The following COL25A1 variants were observed in gnomAD, a reference collection of about 807,000 sequenced individuals.
COL25A1 encodes collagen alpha-1(XXV) chain.
In COL25A1, 103 loss-of-function variants were observed where a neutral mutation model predicts 128.4. The observed-to-expected ratio is 0.80, with a 90% CI of 0.68 to 0.94. The LOEUF is 0.94. Among genes scored for constraint, COL25A1 ranks in the 40% least tolerant of loss-of-function variants. The pLI is 0.00. For missense variants in COL25A1, 745 were observed against 840.0 expected, an observed-to-expected ratio of 0.89 and a Z score of 1.40; for synonymous variants, 279 against 277.2, an observed-to-expected ratio of 1.01 and a Z score of -0.06.
At chr4:108,915,070 T>C (rs549965761) in intron 13 of COL25A1, among the ~76,000 whole-genome samples, 1 of 152,318 alleles carries the variant, frequency 6.6e-6, no homozygotes, top group South Asian at 2.1e-4. Flanking sequence ...AAAGGGATGT[T>C]CTGTAGCCCT....
chr4:109,100,143 C>T (rs1765759565), intron 3 of COL25A1, among the ~76,000 whole-genome samples: 1 of 152,094 alleles, frequency 6.6e-6, no homozygotes, highest in Non-Finnish European at 1.5e-5. Context: ...AGTTTAGTAA[C>T]TTAAGCTTAT....
In COL25A1 at chr4:108,992,502, A is replaced by C. The variant is rs181962786; in HGVS notation, c.438+17856T>G. 3.3e-3 allele frequency among the ~76,000 whole-genome samples: 498 copies of C among 152,326 alleles called. 1 individual carries two copies. Among genetic ancestry groups the C allele is most frequent in the African/African-American group, 0.011 (473 of 41,582 alleles). ...ATATCTAAGGAATGTGTGGTTATAC[A>C]CAACCACCATGAACTATTTTCTATG... On this transcript the variant is annotated intron_variant, in intron 6 of 37. Coordinates refer to ENST00000399132, the MANE Select transcript of COL25A1 (RefSeq NM_198721.4).
At chr4:109,231,052 T>A (rs1372083291) in intron 3 of COL25A1, among the ~76,000 whole-genome samples, 1 of 151,938 alleles carries the variant, frequency 6.6e-6, no homozygotes, top group Non-Finnish European at 1.5e-5. Flanking sequence ...GGCAGGAGAA[T>A]CGCTTGATCC....
intron 3 of COL25A1, among the ~76,000 whole-genome samples, chr4:109,178,835 C>CAAAAAAAAAAAAAAAAA (rs34132262): frequency 2.1e-5 from 1 of 47,544 alleles, no homozygotes; most frequent in Admixed American, 2.6e-4. Flanking sequence ...ACTCCATCTC[C>CAAAAAAAAAAAAAAAAA]AAAAAAAAAA....
intron 3 of COL25A1, among the ~76,000 whole-genome samples, chr4:109,148,781 C>T (rs1397136118): frequency 6.6e-6 from 1 of 152,196 alleles, no homozygotes; most frequent in East Asian, 1.9e-4. Flanking sequence ...CGGCCAGTTT[C>T]CCCTGCTGCC....
chr4:109,032,210 C>T (rs1348755903), intron 5 of COL25A1, among the ~76,000 whole-genome samples: 1 of 152,096 alleles, frequency 6.6e-6, no homozygotes, highest in Non-Finnish European at 1.5e-5. Context: ...CATACATTTG[C>T]GTCTGCCAGA....
intron 8 of COL25A1, among the ~76,000 whole-genome samples, chr4:108,957,226 G>A (rs780897808): frequency 2.0e-5 from 3 of 152,040 alleles, no homozygotes; most frequent in Non-Finnish European, 4.4e-5. Flanking sequence ...ACGGTAAGAG[G>A]GGAAAAACTG....
intron 3 of COL25A1, among the ~76,000 whole-genome samples, chr4:109,052,948 T>C (rs1761123670): frequency 6.6e-6 from 1 of 152,172 alleles, no homozygotes; most frequent in Non-Finnish European, 1.5e-5. Context: ...AACATGGCTC[T>C]CATTCACTAA....
rs1725586947 is a variant in COL25A1, at chr4:109,301,885, G to A, written c.135C>T (p.Ala45=). 1.2e-6 allele frequency: 2 copies of A among 1,614,174 alleles called. No individual in the cohort carries two copies. Among genetic ancestry groups the A allele is most frequent in the Non-Finnish European group, 1.7e-6 (2 of 1,180,046 alleles). The change falls in exon 2 of 38, where the codon GCC becomes GCT. Residue 45 remains alanine (A), a synonymous_variant. Coordinates refer to ENST00000399132, the MANE Select transcript of COL25A1 (RefSeq NM_198721.4). ...AVLAALLSVV[A]VVSCLYLGVK... ...CACCCAGGTACAGGCAAGACACCACGGCCACCACTGACAGGAGGGCCGCCA... is the reference window on the plus strand; with the variant it reads ...CACCCAGGTACAGGCAAGACACCACAGCCACCACTGACAGGAGGGCCGCCA...
intron 18 of COL25A1, among the ~76,000 whole-genome samples, chr4:108,886,476 G>GTTTTTTTTTT (rs1560806262): frequency 8.1e-6 from 1 of 123,318 alleles, no homozygotes; most frequent in African/African-American, 3.2e-5. Flanking sequence ...GTGTGTGTGT[G>GTTTTTTTTTT]TGTGTGTGTG....
At chr4:109,086,994 G>C (rs1764452937) in intron 3 of COL25A1, among the ~76,000 whole-genome samples, 1 of 152,166 alleles carries the variant, frequency 6.6e-6, no homozygotes, top group African/African-American at 2.4e-5. Flanking sequence ...AACAGACAGT[G>C]AACAATGGGA....
chr4:109,119,057 A>G (rs981914560), intron 3 of COL25A1, among the ~76,000 whole-genome samples: 5 of 142,612 alleles, frequency 3.5e-5, no homozygotes, highest in South Asian at 2.7e-4. Context: ...AATCAAAAAC[A>G]GCTAAAACAT....
chr4:108,834,471 C>A, intron 31 of COL25A1: 1 of 1,195,852 alleles, frequency 8.4e-7, no homozygotes, highest in Non-Finnish European at 1.2e-6. Context: ...TACCGATGAA[C>A]AAATGTAACA....
chr4:109,102,431 A>C (rs1042095016), intron 3 of COL25A1, among the ~76,000 whole-genome samples: 1 of 152,100 alleles, frequency 6.6e-6, no homozygotes, highest in Non-Finnish European at 1.5e-5. Flanking sequence ...AATATAGTCT[A>C]GCTGTTGAAT....
chr4:109,177,737 A>G (rs1011067553), intron 3 of COL25A1, among the ~76,000 whole-genome samples: 1 of 152,186 alleles, frequency 6.6e-6, no homozygotes, highest in African/African-American at 2.4e-5. Context: ...ACTCCCAACA[A>G]AAACATTTTT....
chr4:109,107,679 T>C (rs1181918785), intron 3 of COL25A1, among the ~76,000 whole-genome samples: 3 of 152,216 alleles, frequency 2.0e-5, no homozygotes, highest in Non-Finnish European at 4.4e-5. Context: ...AGATGCCAGC[T>C]CTTATTTAGG....
At position 109,133,655 on chromosome 4, in the gene COL25A1, C is replaced by T. The variant is rs531366165; in HGVS notation, c.368-83476G>A. 6.6e-4 allele frequency among the ~76,000 whole-genome samples: 101 copies of T among 152,244 alleles called. 1 individual carries two copies. The highest frequency in any genetic ancestry group is 1.4e-3 in the Non-Finnish European group (94 of 68,008). ...ATATATAGCAGCAGGAATTTAAGAA[C>T]TTAAATTATTACTGCAACACTCTGT... On this transcript the variant is annotated intron_variant, in intron 3 of 37. Coordinates refer to ENST00000399132, the MANE Select transcript of COL25A1 (RefSeq NM_198721.4).
At chr4:109,149,699 A>T (rs903287862) in intron 3 of COL25A1, among the ~76,000 whole-genome samples, 2 of 152,206 alleles carry the variant, frequency 1.3e-5, no homozygotes, top group African/African-American at 4.8e-5. Context: ...GCACAGTGCT[A>T]CTTGTATTTT....
intron 6 of COL25A1, among the ~76,000 whole-genome samples, chr4:108,993,077 C>T (rs966457676): frequency 1.3e-5 from 2 of 152,090 alleles, no homozygotes; most frequent in African/African-American, 4.8e-5. Context: ...TCCAAGAATA[C>T]AGTATATTGT....
Sources: gnomAD v4.1 joint callset for allele counts (sites outside exome capture counted in the v4.1 genomes callset) on GRCh38, gnomAD v4.1.1 for gene constraint, MANE v1.5 for transcripts, NCBI Gene and HGNC (gene_info 2026-07-23, HGNC 2026-07-21) for gene names.